The following MIR2052HG variants were observed in gnomAD, a reference collection of about 807,000 sequenced individuals.
MIR2052HG encodes MIR2052 host gene.
At chr8:74,621,467 A>G (rs1386374470) in intron 2 of MIR2052HG, among the ~76,000 whole-genome samples, 1 of 152,226 alleles carries the variant, frequency 6.6e-6, no homozygotes, top group Non-Finnish European at 1.5e-5. Context: ...ACATTTCTGC[A>G]TTGCTTGGGA....
chr8:74,753,510 T>C (rs989747385), intron 5 of MIR2052HG, among the ~76,000 whole-genome samples: 3 of 152,194 alleles, frequency 2.0e-5, no homozygotes, highest in Non-Finnish European at 2.9e-5. Flanking sequence ...CTAAACTGAC[T>C]GTGTTCTGTT....
At chr8:74,652,810 A>C (rs1340896797) in intron 2 of MIR2052HG, among the ~76,000 whole-genome samples, 1 of 152,180 alleles carries the variant, frequency 6.6e-6, no homozygotes, top group African/African-American at 2.4e-5. Flanking sequence ...GCCACCAACA[A>C]GTATGCTTTG....
intron 2 of MIR2052HG, among the ~76,000 whole-genome samples, chr8:74,655,039 TG>T (rs1200558923): frequency 6.6e-6 from 1 of 152,220 alleles, no homozygotes; most frequent in Non-Finnish European, 1.5e-5. Flanking sequence ...GGTGGCATTT[TG>T]CCCCCACCCT....
chr8:74,735,274 T>C (rs1809733814), intron 4 of MIR2052HG, among the ~76,000 whole-genome samples: 1 of 152,220 alleles, frequency 6.6e-6, no homozygotes. Context: ...CTGGCCATTG[T>C]AAGAGGCTGT....
At chr8:74,697,754 G>GAAAAC (rs776037335) in intron 2 of MIR2052HG, among the ~76,000 whole-genome samples, 1 of 144,504 alleles carries the variant, frequency 6.9e-6, no homozygotes, top group African/African-American at 2.9e-5. Flanking sequence ...AACAAAAACA[G>GAAAAC]AAAACAAAAC....
intron 1 of MIR2052HG, among the ~76,000 whole-genome samples, chr8:74,604,589 T>TC (rs1380928495): frequency 2.5e-5 from 3 of 122,310 alleles, no homozygotes; most frequent in Non-Finnish European, 3.4e-5. Flanking sequence ...TTTACTTTTT[T>TC]TTTTTTTTTT....
rs368602416 is a variant in MIR2052HG at position 74,723,549 on chromosome 8, G to A, written n.371+19867G>A. Among the ~76,000 whole-genome samples, 18 of 152,176 alleles carry A rather than the reference G, an allele frequency of 1.2e-4. No individual in the cohort carries two copies. The East Asian group carries it at 2.5e-3, about 21-fold the overall frequency. ...CTTATTTTTTTTTTTCCATGAGGAA[G>A]GTAGGGATGGGAAATATCCACCTTA... On this transcript the variant is annotated intron_variant and non_coding_transcript_variant, in intron 4 of 6. Transcript: ENST00000523442.
At chr8:74,693,120 T>C (rs1016449922) in intron 2 of MIR2052HG, among the ~76,000 whole-genome samples, 2 of 152,228 alleles carry the variant, frequency 1.3e-5, no homozygotes, top group Admixed American at 1.3e-4. Flanking sequence ...TATATGATCA[T>C]GGGCAACTCA....
intron 2 of MIR2052HG, among the ~76,000 whole-genome samples, chr8:74,648,591 C>A (rs1281088573): frequency 1.3e-5 from 2 of 152,150 alleles, no homozygotes; most frequent in Admixed American, 6.5e-5. Context: ...ACGGTCCTAC[C>A]AATATGTGAT....
intron 4 of MIR2052HG, among the ~76,000 whole-genome samples, chr8:74,743,919 A>G (rs903769544): frequency 6.6e-6 from 1 of 152,252 alleles, no homozygotes; most frequent in Admixed American, 6.5e-5. Context: ...GAGTCAGCAG[A>G]CACAGTACCA....
intron 2 of MIR2052HG, among the ~76,000 whole-genome samples, chr8:74,690,534 G>A (rs1473574955): frequency 1.3e-5 from 2 of 152,018 alleles, no homozygotes; most frequent in Non-Finnish European, 2.9e-5. Flanking sequence ...TGTAGTCCCA[G>A]CTATTCTGGA....
chr8:74,648,991 G>T (rs181896830), intron 2 of MIR2052HG, among the ~76,000 whole-genome samples: 4 of 152,096 alleles, frequency 2.6e-5, no homozygotes, highest in Middle Eastern at 3.4e-3. Context: ...GGGACATCTG[G>T]ATCTCTGAAA....
At chr8:74,679,395 C>G in intron 2 of MIR2052HG, among the ~76,000 whole-genome samples, 1 of 152,150 alleles carries the variant, frequency 6.6e-6, no homozygotes, top group Non-Finnish European at 1.5e-5. Flanking sequence ...GTCTCCAACT[C>G]CATCCAGGTG....
At chr8:74,747,468 A>T (rs1809899401) in intron 4 of MIR2052HG, among the ~76,000 whole-genome samples, 1 of 152,222 alleles carries the variant, frequency 6.6e-6, no homozygotes, top group African/African-American at 2.4e-5. Context: ...TCAGAACAGT[A>T]ACTCTTACAT....
intron 5 of MIR2052HG, among the ~76,000 whole-genome samples, chr8:74,755,015 T>G (rs1809985124): frequency 6.6e-6 from 1 of 152,172 alleles, no homozygotes; most frequent in Non-Finnish European, 1.5e-5. Flanking sequence ...ACTAGAGAAA[T>G]GAAGAAGTCT....
chr8:74,755,441 A>G (rs1253881767), intron 5 of MIR2052HG, among the ~76,000 whole-genome samples: 1 of 152,218 alleles, frequency 6.6e-6, no homozygotes, highest in African/African-American at 2.4e-5. Flanking sequence ...TGTAGTTAAC[A>G]TTGGTTCTGG....
At chr8:74,637,865 C>G (rs931875893) in intron 2 of MIR2052HG, among the ~76,000 whole-genome samples, 2 of 152,066 alleles carry the variant, frequency 1.3e-5, no homozygotes, top group African/African-American at 4.8e-5. Flanking sequence ...GAATATTTAC[C>G]TTTTATTAAT....
chr8:74,700,457 A>G (rs1809347272), intron 2 of MIR2052HG, among the ~76,000 whole-genome samples: 1 of 152,204 alleles, frequency 6.6e-6, no homozygotes, highest in Non-Finnish European at 1.5e-5. Context: ...ACATTAAAAG[A>G]GTAATAAAAC....
intron 2 of MIR2052HG, among the ~76,000 whole-genome samples, chr8:74,617,456 GGTGTGTGTGTGTGTGT>G (rs61474557): frequency 2.0e-5 from 3 of 147,294 alleles, no homozygotes; most frequent in Non-Finnish European, 3.0e-5. Context: ...TATTCCATTG[GGTGTGTGTGTGTGTGT>G]GTGTGTGTGT....
Sources: gnomAD v4.1 joint callset for allele counts (sites outside exome capture counted in the v4.1 genomes callset) on GRCh38, gnomAD v4.1.1 for gene constraint, MANE v1.5 for transcripts, NCBI Gene and HGNC (gene_info 2026-07-23, HGNC 2026-07-21) for gene names.